Variants in ITGA6 observed in about 807,000 individuals in gnomAD.
ITGA6 encodes the protein integrin alpha-6.
Under a neutral mutation model 133.6 loss-of-function variants are expected in ITGA6, and 63 were observed. That is an observed-to-expected ratio of 0.47 (90% CI 0.38 to 0.58). The LOEUF (loss-of-function observed/expected upper bound fraction) is 0.58, where lower values mean the gene tolerates loss of function less well. Ranked by LOEUF, ITGA6 falls within the 20% of genes least tolerant of loss-of-function variation. ITGA6 has a pLI of 0.00. For missense variants in ITGA6, 1,068 were observed against 1,309.4 expected, an observed-to-expected ratio of 0.82 and a Z score of 2.85; for synonymous variants, 434 against 482.0, an observed-to-expected ratio of 0.90 and a Z score of 1.30.
chr2:172,461,045 T>G (rs1046234778), intron 1 of ITGA6, among the ~76,000 whole-genome samples: 2 of 152,216 alleles, frequency 1.3e-5, no homozygotes, highest in African/African-American at 2.4e-5. Flanking sequence ...GGGGGAGAAC[T>G]TGAATATATG....
Position 172,474,966 on chromosome 2 carries a change from G to A in ITGA6, c.1024G>A (p.Asp342Asn), listed in dbSNP as rs769501430. ...AGTTATTGGAGCCCCACAGTATTTT[G>A]ATAGAGATGGAGAAGTTGGAGGTGC... The part of the protein sequence containing the change: ...DIVIGAPQYF[D>N]RDGEVGGAVY... The change falls in exon 7 of 26, where the codon GAT becomes AAT. Residue 342 changes from aspartate to asparagine, a missense_variant. Transcript: ENST00000684293. 1.9e-6 allele frequency: 3 copies of A among 1,587,786 alleles called. No individual in the cohort carries two copies. Among genetic ancestry groups the A allele is most frequent in the East Asian group, 2.2e-5 (1 of 44,756 alleles).
In ITGA6 at chr2:172,491,001, A is replaced by G; in HGVS notation, c.2680-23A>G. The G allele has an allele frequency of 8.7e-7, 1 of 1,147,162 alleles. No homozygotes were observed. The allele number at this position is 1,147,162 out of a possible 1,614,324, so 71.1% of individuals were successfully genotyped here. On this transcript the variant is annotated intron_variant, in intron 20 of 25. Transcript: ENST00000684293. The surrounding 1 kb of genome is among the most constrained non-coding windows in gnomAD (Gnocchi z 4.4). ...ACAAAGAATTACATAAATTGGAACT[A>G]TTTTGGATATAATTTTTTTCAGGAG...
At chr2:172,481,695 C>A (rs1344565301) in intron 11 of ITGA6, among the ~76,000 whole-genome samples, 1 of 152,120 alleles carries the variant, frequency 6.6e-6, no homozygotes, top group Non-Finnish European at 1.5e-5. Context: ...AGACCTTGCA[C>A]GAAGCATTCT....
At chr2:172,473,870 C>A (rs1443427690) in intron 5 of ITGA6, among the ~76,000 whole-genome samples, 185 bp from the exon 6 acceptor site, 1 of 152,088 alleles carries the variant, frequency 6.6e-6, no homozygotes. Flanking sequence ...TAGCTAGCCC[C>A]AGGACTTTGT....
intron 8 of ITGA6, among the ~76,000 whole-genome samples, 189 bp from the exon 9 acceptor site, chr2:172,476,206 G>T (rs573100488): frequency 6.6e-6 from 1 of 152,286 alleles, no homozygotes; most frequent in African/African-American, 2.4e-5. Context: ...TAAATCGGAT[G>T]ACTTTTATGA....
In ITGA6 at chr2:172,501,912, A is replaced by T. The variant is rs895663649; in HGVS notation, c.*22+11A>T. ...CTACTTCTGTAATTGGTAATTGATC[A>T]ATGTTTTTTAATTGCTAGCTGTGGG... On this transcript the variant is annotated intron_variant, in intron 25 of 25. Coordinates refer to ENST00000684293, the MANE Select transcript of ITGA6 (RefSeq NM_000210.4). The T allele has an allele frequency of 1.2e-6, 2 of 1,607,662 alleles. No homozygotes were observed. The highest frequency in any genetic ancestry group is 2.7e-5 in the African/African-American group (2 of 74,846).
chr2:172,501,345 G>A (rs1687339802), intron 24 of ITGA6, among the ~76,000 whole-genome samples: 1 of 152,064 alleles, frequency 6.6e-6, no homozygotes, highest in Non-Finnish European at 1.5e-5. Context: ...TATTTTATTT[G>A]GATTTGTGCT....
chr2:172,502,965 C>CTT (rs3838596), intron 25 of ITGA6, among the ~76,000 whole-genome samples: 56 of 150,544 alleles, frequency 3.7e-4, no homozygotes, highest in African/African-American at 1.3e-3. Flanking sequence ...GCTTTTTTTT[C>CTT]TTTTTTTTTG....
rs1024424672 is a variant in ITGA6, at chr2:172,475,212, A to G, written c.1180+90A>G. On this transcript the variant is annotated intron_variant, in intron 7 of 25. Transcript: ENST00000684293. ...GCTGGGCACAGTGGCTCACGCCTGT[A>G]ATCCCAGCACTTTGGGAGGCTGAGG... 3.0e-5 allele frequency: 28 copies of G among 922,998 alleles called. No individual in the cohort carries two copies. The Admixed American group carries it at 4.9e-4, about 16-fold the overall frequency. The allele number at this position is 922,998 out of a possible 1,614,324, so 57.2% of individuals were successfully genotyped here.
At chr2:172,470,694 C>G (rs974383751) in intron 4 of ITGA6, among the ~76,000 whole-genome samples, 4 of 152,166 alleles carry the variant, frequency 2.6e-5, no homozygotes, top group Non-Finnish European at 4.4e-5. Context: ...ATTTTGTTAA[C>G]TAAGCAAACC....
intron 4 of ITGA6, 122 bp from the exon 5 acceptor site, chr2:172,470,852 T>C (rs1055033983): frequency 2.1e-6 from 2 of 961,480 alleles, no homozygotes; most frequent in Non-Finnish European, 3.2e-6. Context: ...GTCCTTCCTT[T>C]TTTTCCTCCA....
chr2:172,464,222 C>CT (rs1685550961), intron 1 of ITGA6: 2 of 152,280 alleles, frequency 1.3e-5, no homozygotes, highest in Non-Finnish European at 2.9e-5. Context: ...CCGGTGGCAC[C>CT]TGCTGCATGA....
chr2:172,437,691 G>T (rs1171163897), intron 1 of ITGA6, among the ~76,000 whole-genome samples: 1 of 152,180 alleles, frequency 6.6e-6, no homozygotes, highest in Non-Finnish European at 1.5e-5. Context: ...AGGTTTGATT[G>T]GTGATGCAAG....
intron 1 of ITGA6, among the ~76,000 whole-genome samples, chr2:172,446,882 T>A (rs1201827460): frequency 6.6e-6 from 1 of 152,060 alleles, no homozygotes; most frequent in Non-Finnish European, 1.5e-5. Flanking sequence ...GCTGAAAACT[T>A]TTCACCTAAT....
intron 11 of ITGA6, chr2:172,480,992 A>G (rs1044999924): frequency 2.4e-4 from 36 of 152,280 alleles, no homozygotes; most frequent in African/African-American, 8.2e-4. Flanking sequence ...AGTCAAGGCC[A>G]GGGGCATAGG....
intron 20 of ITGA6, among the ~76,000 whole-genome samples, chr2:172,490,402 A>C (rs938129686): frequency 2.0e-5 from 3 of 152,138 alleles, no homozygotes; most frequent in Non-Finnish European, 4.4e-5. Flanking sequence ...TTGCATGTTT[A>C]TTTCTTTTAT....
intron 2 of ITGA6, among the ~76,000 whole-genome samples, chr2:172,466,488 T>C (rs993320578): frequency 6.6e-6 from 1 of 152,020 alleles, no homozygotes; most frequent in Non-Finnish European, 1.5e-5. Flanking sequence ...GGCGTGGTGG[T>C]GTACGCCTGT....
rs1686902634 is a variant in ITGA6, at chr2:172,491,070, T to C, written c.2726T>C (p.Ile909Thr). 1.3e-6 allele frequency: 2 copies of C among 1,594,554 alleles called. No homozygotes were observed. The highest frequency in any genetic ancestry group is 1.7e-6 in the Non-Finnish European group (2 of 1,162,442). ...RKKREITEKQ[I>T]DDNRKFSLFA... ...AAACGGGAAATTACTGAAAAACAGA[T>C]AGATGATAACAGAAAATTTTCTTTA... The change falls in exon 21 of 26, where the codon ATA becomes ACA. Residue 909 changes from isoleucine (I) to threonine (T), a missense_variant. Around this residue, in one of 3 missense-constraint regions of ITGA6, gnomAD observed 609 missense variants for 707.2 expected, o/e 0.86. Transcript: ENST00000684293. This position sits in a 1 kb window ranked among gnomAD's most constrained non-coding sequence, Gnocchi z 4.4.
At chr2:172,442,824 T>G (rs1266881661) in intron 1 of ITGA6, among the ~76,000 whole-genome samples, 1 of 152,150 alleles carries the variant, frequency 6.6e-6, no homozygotes, top group African/African-American at 2.4e-5. Context: ...AGAGCATGTG[T>G]GAGCTTGTTT....
Sources: gnomAD v4.1 joint callset for allele counts (sites outside exome capture counted in the v4.1 genomes callset) on GRCh38, gnomAD v4.1.1 for gene constraint, gnomAD v4.1.1 regional missense constraint, Gnocchi (gnomAD v3.1) non-coding constraint, MANE v1.5 for transcripts, NCBI Gene and HGNC (gene_info 2026-07-23, HGNC 2026-07-21) for gene names.